Variants in NFKB1 observed in about 807,000 individuals in gnomAD.
NFKB1 encodes nuclear factor NF-kappa-B p105 subunit.
A neutral mutation model predicts 105.1 loss-of-function variants in NFKB1; 9 were observed. That is an observed-to-expected ratio of 0.09 (90% CI 0.05 to 0.15). The LOEUF (loss-of-function observed/expected upper bound fraction) is 0.15. Ranked by LOEUF, NFKB1 falls within the 10% of genes least tolerant of loss-of-function variation. The pLI is 1.00. For synonymous variants in NFKB1, 440 were observed against 442.2 expected (o/e 1.00, Z 0.06); for missense variants, 830 against 1,203.7 (o/e 0.69, Z 4.59).
chr4:102,533,834 T>C lies in NFKB1; in HGVS notation c.119-11T>C. The C allele has an allele frequency of 1.2e-6, 2 of 1,611,124 alleles. No individual in the cohort carries two copies. Among genetic ancestry groups the C allele is most frequent in the Non-Finnish European group, 1.7e-6 (2 of 1,178,808 alleles). Reference sequence around the variant, plus strand: ...TTTCTTTTGGTTTCTGTTTGTTGTTTTTGTTTTTAGCAGATGGCCCATACC... The same window carrying C: ...TTTCTTTTGGTTTCTGTTTGTTGTTCTTGTTTTTAGCAGATGGCCCATACC... On this transcript the variant is annotated splice_polypyrimidine_tract_variant and intron_variant, in intron 3 of 23. Transcript: ENST00000226574.
chr4:102,534,208 A>T (rs1184999484), intron 4 of NFKB1, among the ~76,000 whole-genome samples: 7 of 152,096 alleles, frequency 4.6e-5, no homozygotes. Flanking sequence ...ATTTCCATTC[A>T]TTTTCATTTA....
At chr4:102,513,606 T>G (rs1739917043) in intron 1 of NFKB1, among the ~76,000 whole-genome samples, 1 of 152,164 alleles carries the variant, frequency 6.6e-6, no homozygotes, top group African/African-American at 2.4e-5. Flanking sequence ...ACAGCAATAA[T>G]TTAGATGCTT....
chr4:102,527,019 T>C (rs1740962911), intron 2 of NFKB1, among the ~76,000 whole-genome samples: 1 of 152,128 alleles, frequency 6.6e-6, no homozygotes, highest in Admixed American at 6.6e-5. Flanking sequence ...ATAATGGCAA[T>C]ATTAAATTAT....
intron 14 of NFKB1, 134 bp from the exon 15 acceptor site, chr4:102,597,386 G>T: frequency 2.1e-6 from 2 of 933,086 alleles, no homozygotes; most frequent in Middle Eastern, 2.5e-4. Context: ...CAAAAGCATT[G>T]AAAGAACATT....
At chr4:102,538,583 G>A (rs79651301) in intron 5 of NFKB1, among the ~76,000 whole-genome samples, 28,315 of 152,118 alleles carry the variant, frequency 0.19, 3,629 homozygotes, top group Non-Finnish European at 0.27. Context: ...GAACTGCTAC[G>A]TGACATGCTG....
At chr4:102,606,885 GT>G (rs1292997326) in intron 17 of NFKB1, among the ~76,000 whole-genome samples, 188 bp downstream of exon 17, 6 of 152,198 alleles carry the variant, frequency 3.9e-5, no homozygotes. Flanking sequence ...ATTTGGAATA[GT>G]TAGTAGGAGG....
At chr4:102,595,406 T>C (rs1242767172) in intron 13 of NFKB1, among the ~76,000 whole-genome samples, 1 of 152,198 alleles carries the variant, frequency 6.6e-6, no homozygotes, top group East Asian at 1.9e-4. Flanking sequence ...ATGTTGATAG[T>C]TTATATTACA....
At chr4:102,590,332 T>A (rs1726068452) in intron 11 of NFKB1, among the ~76,000 whole-genome samples, 1 of 152,256 alleles carries the variant, frequency 6.6e-6, no homozygotes, top group Admixed American at 6.5e-5. Context: ...TCCGCAGTGT[T>A]GTCCCAAACA....
At chr4:102,591,141 G>A (rs1726133969) in intron 11 of NFKB1, among the ~76,000 whole-genome samples, 2 of 152,348 alleles carry the variant, frequency 1.3e-5, no homozygotes, top group Non-Finnish European at 2.9e-5. Flanking sequence ...GCTGCAGCAA[G>A]TTATCCAGGA....
At chr4:102,588,225 A>C (rs1188885895) in intron 11 of NFKB1, among the ~76,000 whole-genome samples, 1 of 152,182 alleles carries the variant, frequency 6.6e-6, no homozygotes, top group Non-Finnish European at 1.5e-5. Flanking sequence ...CCTCATCTAT[A>C]AGGCTAGTAA....
At chr4:102,512,453 A>G (rs765909232) in intron 1 of NFKB1, among the ~76,000 whole-genome samples, 2 of 152,162 alleles carry the variant, frequency 1.3e-5, no homozygotes, top group African/African-American at 2.4e-5. Context: ...GTCCCAAGCT[A>G]TCCTCCCACC....
At chr4:102,555,618 A>G (rs1225992607) in intron 5 of NFKB1, among the ~76,000 whole-genome samples, 1 of 152,220 alleles carries the variant, frequency 6.6e-6, no homozygotes, top group African/African-American at 2.4e-5. Flanking sequence ...CAAGGGAGAG[A>G]TGTATGAAAG....
Position 102,537,874 on chromosome 4 carries a change from G to A in NFKB1, c.176G>A (p.Arg59His). Residue 59 changes from arginine to histidine, a missense_variant, in exon 5 of 24, where the codon CGT (arginine) becomes CAT (histidine). This residue lies in a region of NFKB1 where 15 missense variants were observed against 45.9 expected (regional missense o/e 0.33). Transcript: ENST00000226574. ...EQPKQRGFRF[R>H]YVCEGPSHGG... ...CCTTTGCAGAGAGGATTTCGTTTCC[G>A]TTATGTATGTGAAGGCCCATCCCAT... 4 of 1,609,006 alleles carry A rather than the reference G, an allele frequency of 2.5e-6. No homozygotes were observed. The highest frequency in any genetic ancestry group is 1.3e-5 in the African/African-American group (1 of 74,840).
At chr4:102,607,409 C>T in intron 18 of NFKB1, 90 bp downstream of exon 18, 5 of 1,390,818 alleles carry the variant, frequency 3.6e-6, no homozygotes, top group Admixed American at 1.8e-5. Context: ...AGCTGCTGTT[C>T]TCCCTTACAA....
At chr4:102,541,295 A>G (rs755125507) in intron 5 of NFKB1, among the ~76,000 whole-genome samples, 46 of 151,138 alleles carry the variant, frequency 3.0e-4, no homozygotes, top group Admixed American at 2.3e-3. Context: ...ATACTTTTCT[A>G]CTATAAAGTT....
intron 5 of NFKB1, among the ~76,000 whole-genome samples, chr4:102,558,512 A>T (rs1723160324): frequency 6.6e-6 from 1 of 152,156 alleles, no homozygotes; most frequent in Admixed American, 6.6e-5. Flanking sequence ...TATTTTAGTA[A>T]TTGCCTTCCA....
chr4:102,523,885 C>G (rs79481024), intron 1 of NFKB1, among the ~76,000 whole-genome samples: 1 of 152,106 alleles, frequency 6.6e-6, no homozygotes. Context: ...CTAACTCCAA[C>G]GAAGTGTAGG....
At chr4:102,547,514 G>A (rs900345266) in intron 5 of NFKB1, among the ~76,000 whole-genome samples, 2 of 152,150 alleles carry the variant, frequency 1.3e-5, no homozygotes, top group African/African-American at 2.4e-5. Flanking sequence ...CTAGTTTTGC[G>A]ACTTGCAGTG....
intron 10 of NFKB1, among the ~76,000 whole-genome samples, 166 bp from the exon 11 acceptor site, chr4:102,584,516 G>A (rs1725563168): frequency 2.6e-5 from 4 of 152,116 alleles, no homozygotes; most frequent in African/African-American, 4.8e-5. Flanking sequence ...TATCGGTATA[G>A]AATTCTGAGT....
Sources: allele counts gnomAD v4.1 joint callset (sites outside exome capture counted in the v4.1 genomes callset), GRCh38; gene constraint gnomAD v4.1.1; regional missense constraint gnomAD v4.1.1; transcripts MANE v1.5; gene names NCBI Gene and HGNC (gene_info 2026-07-23, HGNC 2026-07-21).